KCNK1: variants seen among roughly 807,000 people sequenced by gnomAD.
The protein encoded by KCNK1 is potassium channel subfamily K member 1.
In KCNK1, 10 loss-of-function variants were observed where a neutral mutation model predicts 22.2. The observed-to-expected ratio is 0.45, with a 90% CI of 0.28 to 0.76. KCNK1 has a LOEUF of 0.76. KCNK1 is among the 30% of genes least tolerant of loss of function. KCNK1 has a pLI of 0.14. For synonymous variants in KCNK1, 200 were observed against 186.4 expected (o/e 1.07, Z -0.60); for missense variants, 378 against 421.0 (o/e 0.90, Z 0.89).
intron 2 of KCNK1, among the ~76,000 whole-genome samples, chr1:233,669,597 T>C (rs1298012840): frequency 6.6e-6 from 1 of 152,122 alleles, no homozygotes; most frequent in South Asian, 2.1e-4. Context: ...CCTGTAATCA[T>C]AGTACTTTGG....
At chr1:233,635,710 T>C (rs1657885498) in intron 1 of KCNK1, among the ~76,000 whole-genome samples, 1 of 152,200 alleles carries the variant, frequency 6.6e-6, no homozygotes, top group Admixed American at 6.6e-5. Flanking sequence ...ACCTACTGTG[T>C]GCCAGGCATG....
At chr1:233,624,739 A>G (rs923217289) in intron 1 of KCNK1, among the ~76,000 whole-genome samples, 2 of 152,200 alleles carry the variant, frequency 1.3e-5, no homozygotes, top group East Asian at 3.9e-4. Flanking sequence ...TATAAAAACA[A>G]TGATATCTGG....
At chr1:233,643,091 A>AT (rs1658032102) in intron 1 of KCNK1, among the ~76,000 whole-genome samples, 1 of 151,922 alleles carries the variant, frequency 6.6e-6, no homozygotes, top group Non-Finnish European at 1.5e-5. Flanking sequence ...TCTTGGTGCC[A>AT]TTTTAATGTC....
intron 1 of KCNK1, among the ~76,000 whole-genome samples, chr1:233,621,391 T>C (rs1056001097): frequency 2.6e-5 from 4 of 152,204 alleles, no homozygotes; most frequent in African/African-American, 9.6e-5. Flanking sequence ...CAAACTAATA[T>C]AGAGGTACAT....
intron 1 of KCNK1, among the ~76,000 whole-genome samples, chr1:233,618,210 C>T (rs1571887127): frequency 6.6e-6 from 1 of 152,246 alleles, no homozygotes; most frequent in East Asian, 1.9e-4. Flanking sequence ...GGGTCGCATG[C>T]CCTGAACTCC....
chr1:233,617,845 C>T (rs1657511544), intron 1 of KCNK1, among the ~76,000 whole-genome samples: 1 of 152,068 alleles, frequency 6.6e-6, no homozygotes, highest in Non-Finnish European at 1.5e-5. Flanking sequence ...AAGGCTGAGG[C>T]ATTGAGTCTA....
At chr1:233,624,319 G>T (rs1657647963) in intron 1 of KCNK1, 1 of 152,488 alleles carries the variant, frequency 6.6e-6, no homozygotes, top group Non-Finnish European at 1.5e-5. Flanking sequence ...AGGACTTGGG[G>T]CTACTGAGAA....
chr1:233,637,305 C>G (rs1657916719), intron 1 of KCNK1: 1 of 151,994 alleles, frequency 6.6e-6, no homozygotes, highest in African/African-American at 2.4e-5. Flanking sequence ...GGGCTAAGAC[C>G]CCATACCCAG....
At chr1:233,640,614 T>C (rs1657983969) in intron 1 of KCNK1, among the ~76,000 whole-genome samples, 1 of 152,246 alleles carries the variant, frequency 6.6e-6, no homozygotes, top group Non-Finnish European at 1.5e-5. Context: ...CTTAAGTAAG[T>C]ACTCCTGTAA....
At chr1:233,616,452 T>C (rs1472690101) in intron 1 of KCNK1, among the ~76,000 whole-genome samples, 1 of 152,216 alleles carries the variant, frequency 6.6e-6, no homozygotes, top group African/African-American at 2.4e-5. Context: ...GGATAGTTTC[T>C]GTTTAAGAAA....
intron 1 of KCNK1, among the ~76,000 whole-genome samples, chr1:233,633,244 G>C (rs701228): frequency 0.17 from 24,934 of 148,808 alleles, 2,061 homozygotes; most frequent in Middle Eastern, 0.21. Context: ...CTTCTGACAG[G>C]TATGAAATTG....
intron 1 of KCNK1, 89 bp downstream of exon 1, chr1:233,614,615 C>A: frequency 1.0e-6 from 1 of 981,294 alleles, no homozygotes; most frequent in Non-Finnish European, 1.5e-6. Context: ...CCCCTCTAAC[C>A]CTCCCACCCC....
At chr1:233,620,786 C>T (rs1045900807) in intron 1 of KCNK1, among the ~76,000 whole-genome samples, 1 of 151,904 alleles carries the variant, frequency 6.6e-6, no homozygotes, top group Non-Finnish European at 1.5e-5. Flanking sequence ...AAAGGCACAG[C>T]TATGGGGAAA....
chr1:233,643,524 C>A (rs1658038793), intron 1 of KCNK1, among the ~76,000 whole-genome samples: 1 of 152,196 alleles, frequency 6.6e-6, no homozygotes, highest in Non-Finnish European at 1.5e-5. Context: ...TCCTCCCAGG[C>A]AGTGCTTCTC....
intron 1 of KCNK1, among the ~76,000 whole-genome samples, chr1:233,625,961 T>C (rs1657681861): frequency 6.6e-6 from 1 of 152,086 alleles, no homozygotes; most frequent in African/African-American, 2.4e-5. Context: ...GCAAAACATC[T>C]GGCTTTTATC....
chr1:233,639,785 C>T (rs1286831230), intron 1 of KCNK1, among the ~76,000 whole-genome samples: 1 of 152,176 alleles, frequency 6.6e-6, no homozygotes, highest in Admixed American at 6.5e-5. Context: ...TTTTGTACTC[C>T]TGGCATTTAT....
At chr1:233,624,788 A>G (rs1228398209) in intron 1 of KCNK1, among the ~76,000 whole-genome samples, 1 of 152,164 alleles carries the variant, frequency 6.6e-6, no homozygotes, top group Admixed American at 6.5e-5. Flanking sequence ...AAAAGGCCCT[A>G]AGTGATATAA....
intron 1 of KCNK1, chr1:233,631,603 C>T: frequency 3.9e-6 from 1 of 259,112 alleles, no homozygotes; most frequent in Non-Finnish European, 7.7e-6. Context: ...CATCTCTACT[C>T]TGCAAGTCTA....
intron 1 of KCNK1, among the ~76,000 whole-genome samples, chr1:233,623,023 G>T (rs1458110694): frequency 6.6e-6 from 1 of 152,164 alleles, no homozygotes; most frequent in Non-Finnish European, 1.5e-5. Context: ...AACTCAGAGA[G>T]AGTCGGTGAA....
Sources: gnomAD v4.1 joint callset for allele counts (sites outside exome capture counted in the v4.1 genomes callset) on GRCh38, gnomAD v4.1.1 for gene constraint, MANE v1.5 for transcripts, NCBI Gene and HGNC (gene_info 2026-07-23, HGNC 2026-07-21) for gene names.